Variants in PCDHA8 observed in about 807,000 individuals in gnomAD.
PCDHA8 encodes the protein protocadherin alpha 8.
In PCDHA8, 53 loss-of-function variants were observed where a neutral mutation model predicts 61.8. That is an observed-to-expected ratio of 0.86 (90% CI 0.69 to 1.08). PCDHA8 has a LOEUF of 1.08. Ranked by LOEUF, PCDHA8 falls within the 50% of genes least tolerant of loss-of-function variation. The pLI is 0.00. For missense variants in PCDHA8, 1,293 were observed against 1,245.0 expected, an observed-to-expected ratio of 1.04 and a Z score of -0.58; for synonymous variants, 618 against 556.6, an observed-to-expected ratio of 1.11 and a Z score of -1.55.
At chr5:140,882,016 A>C (rs1403488174) in intron 1 of PCDHA8, 1 of 543,846 alleles carries the variant, frequency 1.8e-6, no homozygotes, top group Non-Finnish European at 3.0e-6. Flanking sequence ...AAAAAATACT[A>C]CATCAATGGA....
intron 1 of PCDHA8, among the ~76,000 whole-genome samples, chr5:140,846,281 T>G (rs1780295705): frequency 6.7e-6 from 1 of 149,458 alleles, no homozygotes; most frequent in Non-Finnish European, 1.5e-5. Context: ...CAATTTATGT[T>G]GTAGTTCTAT....
intron 1 of PCDHA8, among the ~76,000 whole-genome samples, chr5:140,913,995 A>T (rs541070374): frequency 6.6e-6 from 1 of 152,288 alleles, no homozygotes; most frequent in Admixed American, 6.5e-5. Context: ...TGTGACTAGC[A>T]TATGGTCTAT....
intron 1 of PCDHA8, chr5:140,883,677 C>T (rs112867183): frequency 1.2e-6 from 2 of 1,613,726 alleles, no homozygotes. Flanking sequence ...AACAATCCGC[C>T]GGGCTGCCAC....
intron 1 of PCDHA8, among the ~76,000 whole-genome samples, chr5:140,891,030 T>G (rs1583035754): frequency 6.6e-6 from 1 of 151,856 alleles, no homozygotes; most frequent in Non-Finnish European, 1.5e-5. Context: ...GGGTATAATC[T>G]TAGGTGTGAC....
chr5:140,909,380 C>T (rs1247939021), intron 1 of PCDHA8, among the ~76,000 whole-genome samples: 2 of 152,194 alleles, frequency 1.3e-5, no homozygotes, highest in East Asian at 1.9e-4. Context: ...AATGAAACCA[C>T]ATCTAGTACA....
In PCDHA8 at chr5:140,875,510, G is replaced by T. The variant is rs186070067; in HGVS notation, c.2394+31795G>T. The stretch of plus-strand genomic sequence containing the variant: ...GGACCAAGAGGCCCGGGATCCCAGC[G>T]TCTGCTGCTCTCGCTTCTGCTCCTT... On this transcript the variant is annotated intron_variant, in intron 1 of 3. Transcript: ENST00000531613. 1.2e-5 allele frequency: 19 copies of T among 1,613,812 alleles called. No homozygotes were observed. Among genetic ancestry groups the T allele is most frequent in the Non-Finnish European group, 1.6e-5 (19 of 1,179,784 alleles).
intron 1 of PCDHA8, chr5:140,927,924 T>C: frequency 1.2e-6 from 2 of 1,614,204 alleles, no homozygotes; most frequent in Non-Finnish European, 1.7e-6. Context: ...ACTTCCTGAC[T>C]CTTTCGAACC....
intron 1 of PCDHA8, among the ~76,000 whole-genome samples, chr5:140,936,053 C>T (rs576745037): frequency 1.2e-4 from 18 of 152,052 alleles, no homozygotes; most frequent in Middle Eastern, 3.4e-3. Flanking sequence ...CCACCACACC[C>T]GGCTAATTTT....
rs551245842 is a variant in PCDHA8, at chr5:140,927,508, C to G, written c.2395-51441C>G. 3.7e-6 allele frequency: 6 copies of G among 1,614,074 alleles called. No individual in the cohort carries two copies. In the Admixed American group the frequency reaches 5.0e-5, roughly 13 times the overall value. ...CACCCACCTGCTGGTGCTTACAGCT[C>G]GGGACGGCGGGCTACCTGCCCGCTC... On this transcript the variant is annotated intron_variant, in intron 1 of 3. Coordinates refer to ENST00000531613, the MANE Select transcript of PCDHA8 (RefSeq NM_018911.3).
At chr5:140,991,919 A>T (rs185947527) in intron 3 of PCDHA8, among the ~76,000 whole-genome samples, 96 of 152,274 alleles carry the variant, frequency 6.3e-4, no homozygotes, top group Admixed American at 1.2e-3. Flanking sequence ...GCCATGTAAC[A>T]TAACATATTC....
intron 1 of PCDHA8, among the ~76,000 whole-genome samples, chr5:140,894,820 C>A (rs149254580): frequency 3.2e-4 from 49 of 152,072 alleles, no homozygotes; most frequent in African/African-American, 1.2e-3. Flanking sequence ...ATCAGATTTG[C>A]CCATAATCCT....
intron 1 of PCDHA8, chr5:140,871,636 T>G (rs1311531075): frequency 1.5e-6 from 2 of 1,364,670 alleles, no homozygotes; most frequent in African/African-American, 2.9e-5. Flanking sequence ...TGTCTGTTCA[T>G]AAAATACCAA....
intron 1 of PCDHA8, among the ~76,000 whole-genome samples, chr5:140,969,689 G>C (rs2096353737): frequency 6.6e-6 from 1 of 152,136 alleles, no homozygotes; most frequent in Admixed American, 6.5e-5. Context: ...AGGAGAAATG[G>C]CCTCTGCTGT....
chr5:140,928,597 A>G (rs1554206042), intron 1 of PCDHA8: 1 of 1,614,226 alleles, frequency 6.2e-7, no homozygotes, highest in East Asian at 2.2e-5. Context: ...CCCAGTGGAA[A>G]TTGTGCCCCG....
At chr5:140,938,508 A>G (rs1563167946) in intron 1 of PCDHA8, among the ~76,000 whole-genome samples, 1 of 152,046 alleles carries the variant, frequency 6.6e-6, no homozygotes, top group African/African-American at 2.4e-5. Context: ...AATTTATCAC[A>G]TATTTTCTGT....
chr5:140,857,804 G>A, intron 1 of PCDHA8: 1 of 1,597,858 alleles, frequency 6.3e-7, no homozygotes, highest in Non-Finnish European at 8.6e-7. Context: ...GTCGGTGGTT[G>A]CGGGTCACGT....
rs1554262437 is a variant in PCDHA8, at chr5:141,009,799, C to T, written c.2715C>T (p.Asn905=). 1 of 1,614,104 alleles carries T rather than the reference C, an allele frequency of 6.2e-7. No individual in the cohort carries two copies. Residue 905 remains asparagine (N), a synonymous_variant, in exon 4 of 4, where the codon AAC becomes AAT. Coordinates refer to ENST00000531613, the MANE Select transcript of PCDHA8 (RefSeq NM_018911.3). ...AIISIRQEPT[N]SQIDKSDFIT... is the part of the protein sequence containing the mutation. ...TCTCCATCCGGCAGGAGCCTACTAACAGCCAAATTGACAAAAGTGACTTCA... is the reference window on the plus strand; with the variant it reads ...TCTCCATCCGGCAGGAGCCTACTAATAGCCAAATTGACAAAAGTGACTTCA...
chr5:140,877,218 G>C (rs781819579), intron 1 of PCDHA8: 1 of 1,613,726 alleles, frequency 6.2e-7, no homozygotes, highest in South Asian at 1.1e-5. Context: ...AGTTGGTACC[G>C]CGGTCGGTGG....
chr5:140,883,886 T>C, intron 1 of PCDHA8: 1 of 1,613,156 alleles, frequency 6.2e-7, no homozygotes, highest in Non-Finnish European at 8.5e-7. Flanking sequence ...CGCGCGCGAC[T>C]CTGGCGTGCC....
Sources: allele counts gnomAD v4.1 joint callset (sites outside exome capture counted in the v4.1 genomes callset), GRCh38; gene constraint gnomAD v4.1.1; transcripts MANE v1.5; gene names NCBI Gene and HGNC (gene_info 2026-07-23, HGNC 2026-07-21).